LRBA: variants seen among roughly 807,000 people sequenced by gnomAD.
LRBA encodes LPS responsive beige-like anchor protein.
A neutral mutation model predicts 330.0 loss-of-function variants in LRBA; 176 were observed. The ratio of observed to expected loss-of-function variants is 0.53; its 90% confidence interval spans 0.47 to 0.60. The LOEUF is 0.60. Among genes scored for constraint, LRBA ranks in the 20% least tolerant of loss-of-function variants. LRBA has a pLI of 0.00. For synonymous variants in LRBA, 1,230 were observed against 1,193.0 expected, an observed-to-expected ratio of 1.03 and a Z score of -0.64; for missense variants, 3,259 against 3,444.8, an observed-to-expected ratio of 0.95 and a Z score of 1.35.
intron 56 of LRBA, among the ~76,000 whole-genome samples, chr4:150,266,557 T>A (rs1745368744): frequency 1.3e-5 from 2 of 152,192 alleles, no homozygotes; most frequent in African/African-American, 4.8e-5. Flanking sequence ...AGAAGCCATA[T>A]TCAGTATCCT....
rs1745196698 is a variant in LRBA at position 150,265,555 on chromosome 4, C to A, written c.*167G>T. The A allele has an allele frequency of 1.9e-6, 1 of 539,416 alleles. No homozygotes were observed. Among genetic ancestry groups the A allele is most frequent in the South Asian group, 2.5e-5 (1 of 40,388 alleles). 33.4% of individuals were successfully genotyped at this position (539,416 alleles called of 1,614,324 possible). The stretch of plus-strand genomic sequence containing the variant: ...CCAGTTTTCTGCTTTGCTAATCCCC[C>A]CCAAAAAAGTCAAGCAAAGACTACA... On this transcript the variant is annotated 3_prime_UTR_variant, in exon 57 of 57. Transcript: ENST00000651943.
intron 22 of LRBA, among the ~76,000 whole-genome samples, chr4:150,856,549 G>T (rs1751253196): frequency 1.3e-5 from 2 of 152,182 alleles, no homozygotes; most frequent in African/African-American, 4.8e-5. Context: ...TAAAACCACA[G>T]ATAGAAAAGC....
At chr4:150,447,777 C>T (rs959615036) in intron 44 of LRBA, among the ~76,000 whole-genome samples, 2 of 152,176 alleles carry the variant, frequency 1.3e-5, no homozygotes, top group African/African-American at 2.4e-5. Flanking sequence ...ATTGAGATTA[C>T]AATCACTTAT....
intron 24 of LRBA, among the ~76,000 whole-genome samples, chr4:150,850,388 C>G (rs1750473696): frequency 6.6e-6 from 1 of 152,118 alleles, no homozygotes; most frequent in South Asian, 2.1e-4. Context: ...GCAACTGCGC[C>G]CGGCCTATAC....
intron 46 of LRBA, chr4:150,422,681 C>G: frequency 1.4e-6 from 1 of 691,980 alleles, no homozygotes; most frequent in Non-Finnish European, 2.7e-6. Flanking sequence ...CCTCTAACAA[C>G]TGAGACTGGC....
intron 40 of LRBA, among the ~76,000 whole-genome samples, chr4:150,513,753 T>C (rs1762066147): frequency 6.6e-6 from 1 of 152,258 alleles, no homozygotes; most frequent in East Asian, 1.9e-4. Flanking sequence ...CCTATCAGAT[T>C]GGGGCCGCAT....
intron 36 of LRBA, among the ~76,000 whole-genome samples, chr4:150,688,270 G>A (rs1783803324): frequency 6.6e-6 from 1 of 152,064 alleles, no homozygotes; most frequent in South Asian, 2.1e-4. Context: ...ACTGAAACTG[G>A]ACCCCTTCCT....
chr4:150,738,147 T>C (rs1731466807), intron 35 of LRBA, among the ~76,000 whole-genome samples: 1 of 151,928 alleles, frequency 6.6e-6, no homozygotes, highest in Non-Finnish European at 1.5e-5. Flanking sequence ...TTCACAATCA[T>C]GCCAGGCTAA....
intron 44 of LRBA, among the ~76,000 whole-genome samples, chr4:150,450,762 G>A (rs1345512651): frequency 1.3e-5 from 2 of 152,036 alleles, no homozygotes; most frequent in East Asian, 1.9e-4. Flanking sequence ...TGGTGAGGTG[G>A]GGTGGCTTAC....
intron 13 of LRBA, among the ~76,000 whole-genome samples, chr4:150,903,678 T>C (rs554670724): frequency 6.6e-6 from 1 of 152,242 alleles, no homozygotes; most frequent in African/African-American, 2.4e-5. Context: ...AGGCAGAAGT[T>C]ACAGTGAGCT....
chr4:150,985,248 A>C (rs1203339525), intron 2 of LRBA, among the ~76,000 whole-genome samples: 2 of 145,580 alleles, frequency 1.4e-5, no homozygotes, highest in Non-Finnish European at 3.0e-5. Flanking sequence ...ACAGAGCTAG[A>C]CTCCATCTCA....
chr4:150,434,694 A>C lies in LRBA; in HGVS notation c.7041+895T>G, dbSNP rs540149830. ...TAGGGAGACCCCATCTTTACAAAAA[A>C]TAAAAAATTAGCCTAGCGTGGTGGT... On this transcript the variant is annotated intron_variant, in intron 46 of 56. Coordinates refer to ENST00000651943, the MANE Select transcript of LRBA (RefSeq NM_001364905.1). Among the ~76,000 whole-genome samples, 6 of 152,208 alleles carry C rather than the reference A, an allele frequency of 3.9e-5. No homozygotes were observed. The South Asian group carries it at 1.2e-3, about 32-fold the overall frequency.
chr4:150,451,893 T>C lies in LRBA; in HGVS notation c.6781-15029A>G, dbSNP rs571492953. Among the ~76,000 whole-genome samples, 4 of 152,246 alleles carry C rather than the reference T, an allele frequency of 2.6e-5. No homozygotes were observed. In the South Asian group the frequency reaches 8.3e-4, roughly 32 times the overall value. On this transcript the variant is annotated intron_variant, in intron 44 of 56. Transcript: ENST00000651943. ...CTCATTAACAAAAAGATAACCCGAA[T>C]AGCACTTTATCTGTTAAGGAAACTG...
chr4:150,858,924 A>C (rs1265389518), intron 22 of LRBA, among the ~76,000 whole-genome samples: 1 of 152,202 alleles, frequency 6.6e-6, no homozygotes, highest in Non-Finnish European at 1.5e-5. Context: ...TTCATATCTT[A>C]TGATTTAAAA....
intron 44 of LRBA, among the ~76,000 whole-genome samples, chr4:150,451,774 G>A (rs2152030805): frequency 6.6e-6 from 1 of 152,122 alleles, no homozygotes; most frequent in Non-Finnish European, 1.5e-5. Flanking sequence ...CTGGTCCAGA[G>A]GGAGAAAAAG....
intron 2 of LRBA, among the ~76,000 whole-genome samples, chr4:150,954,060 G>A: frequency 6.7e-6 from 1 of 148,786 alleles, no homozygotes; most frequent in African/African-American, 2.5e-5. Flanking sequence ...CACCCCGTCT[G>A]GGAAGTGAGA....
intron 55 of LRBA, among the ~76,000 whole-genome samples, chr4:150,278,418 G>A (rs1747087690): frequency 6.6e-6 from 1 of 152,088 alleles, no homozygotes; most frequent in Non-Finnish European, 1.5e-5. Flanking sequence ...CTAATCCCCT[G>A]CAACTCCAGC....
chr4:150,703,551 A>G (rs1225773043), intron 36 of LRBA, among the ~76,000 whole-genome samples: 1 of 152,214 alleles, frequency 6.6e-6, no homozygotes, highest in Non-Finnish European at 1.5e-5. Context: ...TGTTTCCCTC[A>G]GTAGTCACCA....
chr4:150,817,048 G>T, intron 31 of LRBA, 76 bp downstream of exon 31: 1 of 1,365,530 alleles, frequency 7.3e-7, no homozygotes, highest in Non-Finnish European at 1.0e-6. Flanking sequence ...CAAATTTTAA[G>T]TTAATCAAAA....
Sources: gnomAD v4.1 joint callset for allele counts (sites outside exome capture counted in the v4.1 genomes callset) on GRCh38, gnomAD v4.1.1 for gene constraint, MANE v1.5 for transcripts, NCBI Gene and HGNC (gene_info 2026-07-23, HGNC 2026-07-21) for gene names.